The following TNR variants were observed in gnomAD, a reference collection of about 807,000 sequenced individuals.
The protein encoded by TNR is tenascin R.
A neutral mutation model predicts 150.4 loss-of-function variants in TNR; 45 were observed. That is an observed-to-expected ratio of 0.30 (90% CI 0.24 to 0.38). The LOEUF (loss-of-function observed/expected upper bound fraction) is 0.38. Ranked by LOEUF, TNR falls within the 10% of genes least tolerant of loss-of-function variation. The probability of loss-of-function intolerance (pLI) is 1.00; values close to 1 mark genes in which losing one functional copy is unlikely to be tolerated. For synonymous variants in TNR, 687 were observed against 678.4 expected, an observed-to-expected ratio of 1.01 and a Z score of -0.20; for missense variants, 1,544 against 1,759.1, an observed-to-expected ratio of 0.88 and a Z score of 2.19.
At chr1:175,458,422 T>C (rs796128663) in intron 2 of TNR, among the ~76,000 whole-genome samples, 8 of 152,134 alleles carry the variant, frequency 5.3e-5, no homozygotes, top group African/African-American at 1.4e-4. Context: ...TACAATCTGG[T>C]TGGGGAGGTC....
rs565986680 is a variant in TNR at position 175,440,752 on chromosome 1, C to T, written c.-63-33975G>A. On this transcript the variant is annotated intron_variant, in intron 2 of 22. Transcript: ENST00000367674. ...AATAGATTCAGTAAGATCTGTTAGT[C>T]CTATTAGATCCTCAGTCTGAGGACT... is the stretch of plus-strand genomic sequence containing the variant. Among the ~76,000 whole-genome samples, 9 of 152,044 alleles carry T rather than the reference C, an allele frequency of 5.9e-5. No homozygotes were observed. The East Asian group carries it at 1.7e-3, about 29-fold the overall frequency.
intron 2 of TNR, among the ~76,000 whole-genome samples, chr1:175,478,652 C>A (rs57350751): frequency 6.6e-6 from 1 of 152,012 alleles, no homozygotes; most frequent in Admixed American, 6.6e-5. Flanking sequence ...TTCAGACAGC[C>A]TCCAGGGCGA....
chr1:175,461,924 C>T (rs1049341018), intron 2 of TNR, among the ~76,000 whole-genome samples: 4 of 152,198 alleles, frequency 2.6e-5, no homozygotes, highest in Non-Finnish European at 4.4e-5. Flanking sequence ...TGAGTCTAGG[C>T]TCTGTCACTT....
At chr1:175,471,005 G>A (rs1657262062) in intron 2 of TNR, among the ~76,000 whole-genome samples, 1 of 152,232 alleles carries the variant, frequency 6.6e-6, no homozygotes, top group Non-Finnish European at 1.5e-5. Flanking sequence ...AATTTTAGCT[G>A]TTTCTGCAGG....
At chr1:175,468,438 G>T (rs1337261965) in intron 2 of TNR, among the ~76,000 whole-genome samples, 1 of 152,128 alleles carries the variant, frequency 6.6e-6, no homozygotes, top group Non-Finnish European at 1.5e-5. Flanking sequence ...AACAAAATAT[G>T]TTCACTTAAT....
rs116083002 is a variant in TNR at position 175,629,368 on chromosome 1, G to A, written c.-164-100999C>T. Among the ~76,000 whole-genome samples, 768 of 152,312 alleles carry A rather than the reference G, an allele frequency of 5.0e-3. 4 individuals are homozygous for A. Among genetic ancestry groups the A allele is most frequent in the African/African-American group, 0.018 (744 of 41,558 alleles). ...CATACTAGGCTTCCAAGAGTAGGCA[G>A]GAATGTCAGGCCAAGACAAGCAGCT... On this transcript the variant is annotated intron_variant, in intron 1 of 22. Transcript: ENST00000367674.
chr1:175,386,080 C>T lies in TNR; in HGVS notation c.1729G>A (p.Val577Ile), dbSNP rs201193007. Residue 577 changes from valine to isoleucine, a missense_variant, in exon 8 of 23, where the codon GTC becomes ATC. By Grantham distance (29) the Val-to-Ile change is conservative (BLOSUM62 3). Transcript: ENST00000367674. ...GAATCGCTCTCGTTGGTCCCTCGGACGGCACTGACTGACACCTCGTATCGG... is the reference window on the plus strand; with the variant it reads ...GAATCGCTCTCGTTGGTCCCTCGGATGGCACTGACTGACACCTCGTATCGG... ...GSRYEVSVSA[V>I]RGTNESDSAT... 690 of 1,610,092 alleles carry T rather than the reference C, an allele frequency of 4.3e-4. 2 individuals are homozygous for T. The highest frequency in any genetic ancestry group is 5.4e-4 in the Non-Finnish European group (640 of 1,177,108).
intron 2 of TNR, among the ~76,000 whole-genome samples, chr1:175,474,471 C>T (rs953363026): frequency 6.6e-6 from 1 of 152,192 alleles, no homozygotes; most frequent in Non-Finnish European, 1.5e-5. Context: ...GACTTCCAAC[C>T]TCCAGAACAG....
intron 7 of TNR, among the ~76,000 whole-genome samples, chr1:175,387,886 T>C (rs1461401244): frequency 6.6e-6 from 1 of 152,216 alleles, no homozygotes; most frequent in African/African-American, 2.4e-5. Context: ...CCTAGTCCTG[T>C]CCTCTCTTAA....
chr1:175,475,799 T>C (rs1335075703), intron 2 of TNR, among the ~76,000 whole-genome samples: 1 of 152,194 alleles, frequency 6.6e-6, no homozygotes, highest in Non-Finnish European at 1.5e-5. Context: ...CTTACCCAGC[T>C]TACTTATTGT....
In TNR at chr1:175,391,195, C is replaced by A. The variant is rs982998646; in HGVS notation, c.1507+93G>T. ...CCCAGCTCTAGGAGAAATTCTAGCA[C>A]CTCTGTTGTCTCTCCACTCCTTGGG... On this transcript the variant is annotated intron_variant, in intron 7 of 22. Coordinates refer to ENST00000367674, the MANE Select transcript of TNR (RefSeq NM_003285.3). 7 of 1,499,936 alleles carry A rather than the reference C, an allele frequency of 4.7e-6. No homozygotes were observed. The South Asian group carries it at 7.9e-5, about 17-fold the overall frequency. 92.9% of individuals were successfully genotyped at this position (1,499,936 alleles called of 1,614,324 possible). A position where few individuals can be genotyped will look rare whatever the true frequency, so the allele number is the denominator to read the frequency against.
At chr1:175,384,913 A>G (rs1652852149) in intron 8 of TNR, among the ~76,000 whole-genome samples, 2 of 152,126 alleles carry the variant, frequency 1.3e-5, no homozygotes, top group African/African-American at 4.8e-5. Context: ...TTGATTTTAA[A>G]CCCAGCGGAA....
intron 2 of TNR, among the ~76,000 whole-genome samples, chr1:175,477,321 G>A (rs964328772): frequency 5.3e-5 from 8 of 152,132 alleles, no homozygotes; most frequent in African/African-American, 1.2e-4. Context: ...AGGAACCTGC[G>A]TAGAATATTT....
intron 1 of TNR, among the ~76,000 whole-genome samples, chr1:175,689,498 C>T (rs1484170997): frequency 6.6e-6 from 1 of 152,150 alleles, no homozygotes. Context: ...TTCATTAACG[C>T]AGGCTATGGC....
intron 18 of TNR, among the ~76,000 whole-genome samples, chr1:175,341,519 G>A (rs1650523597): frequency 6.6e-6 from 1 of 152,234 alleles, no homozygotes; most frequent in Non-Finnish European, 1.5e-5. Flanking sequence ...GTTTTGGGAA[G>A]TGGAGGCTGA....
At chr1:175,476,072 G>A (rs1657534882) in intron 2 of TNR, among the ~76,000 whole-genome samples, 1 of 152,184 alleles carries the variant, frequency 6.6e-6, no homozygotes, top group African/African-American at 2.4e-5. Context: ...ATGTTGTCCA[G>A]TGGCCACAAA....
At chr1:175,710,137 G>A (rs1025791661) in intron 1 of TNR, among the ~76,000 whole-genome samples, 1 of 152,142 alleles carries the variant, frequency 6.6e-6, no homozygotes, top group African/African-American at 2.4e-5. Flanking sequence ...ATTGGAGCAT[G>A]ACAAGAGGAG....
At chr1:175,648,848 A>G (rs1179158404) in intron 1 of TNR, among the ~76,000 whole-genome samples, 3 of 152,184 alleles carry the variant, frequency 2.0e-5, no homozygotes, top group African/African-American at 7.2e-5. Flanking sequence ...CTAAAGTCTC[A>G]GGAGCCACCC....
At chr1:175,549,664 G>T (rs1332282541) in intron 1 of TNR, among the ~76,000 whole-genome samples, 1 of 152,188 alleles carries the variant, frequency 6.6e-6, no homozygotes, top group Non-Finnish European at 1.5e-5. Flanking sequence ...AGGGAAGCAT[G>T]AAAGAAATAC....
Sources: gnomAD v4.1 joint callset for allele counts (sites outside exome capture counted in the v4.1 genomes callset) on GRCh38, gnomAD v4.1.1 for gene constraint, MANE v1.5 for transcripts, NCBI Gene and HGNC (gene_info 2026-07-23, HGNC 2026-07-21) for gene names.